FERMT2: variants seen among roughly 807,000 people sequenced by gnomAD.
The protein encoded by FERMT2 is fermitin family homolog 2.
A neutral mutation model predicts 82.7 loss-of-function variants in FERMT2; 15 were observed. The observed-to-expected ratio is 0.18, with a 90% CI of 0.12 to 0.28. The LOEUF (loss-of-function observed/expected upper bound fraction) is 0.28. Among genes scored for constraint, FERMT2 ranks in the 10% least tolerant of loss-of-function variants. The pLI, the probability that FERMT2 is intolerant of heterozygous loss-of-function variation, is 1.00. For synonymous variants in FERMT2, 274 were observed against 271.5 expected (o/e 1.01, Z -0.09); for missense variants, 645 against 809.4 (o/e 0.80, Z 2.46).
rs117282821 is a variant in FERMT2 at position 52,898,152 on chromosome 14, T to C, written c.392-4725A>G. ...CCTGAACGAATATGTGACCACAGAG[T>C]AGGTAAATATAACTGCTCTTTAATT... On this transcript the variant is annotated intron_variant, in intron 3 of 14. Coordinates refer to ENST00000341590, the MANE Select transcript of FERMT2 (RefSeq NM_006832.3). Among the ~76,000 whole-genome samples, 1,450 of 152,098 alleles carry C rather than the reference T, an allele frequency of 9.5e-3. 17 individuals carry two copies. The highest frequency in any genetic ancestry group is 0.014 in the Non-Finnish European group (938 of 67,968).
intron 2 of FERMT2, among the ~76,000 whole-genome samples, chr14:52,939,997 T>G (rs1890020506): frequency 6.6e-6 from 1 of 152,192 alleles, no homozygotes; most frequent in South Asian, 2.1e-4. Context: ...ATCAAAAACA[T>G]CATTACACTG....
intron 4 of FERMT2, among the ~76,000 whole-genome samples, chr14:52,890,397 T>C (rs1429380679): frequency 5.1e-5 from 7 of 136,532 alleles, no homozygotes; most frequent in Non-Finnish European, 9.2e-5. Flanking sequence ...TGAGCCGAGA[T>C]CGCAGCCACT....
intron 12 of FERMT2, chr14:52,862,140 C>T (rs982651556): frequency 1.3e-5 from 2 of 152,200 alleles, no homozygotes; most frequent in African/African-American, 4.8e-5. Flanking sequence ...TCTTGGCTCA[C>T]TGCAACCTCC....
At chr14:52,947,652 A>C (rs1056276527) in intron 2 of FERMT2, among the ~76,000 whole-genome samples, 1 of 152,232 alleles carries the variant, frequency 6.6e-6, no homozygotes, top group Non-Finnish European at 1.5e-5. Flanking sequence ...AGGAAACATT[A>C]TTTACACTTA....
At chr14:52,929,711 T>C (rs1889474047) in intron 2 of FERMT2, among the ~76,000 whole-genome samples, 1 of 152,192 alleles carries the variant, frequency 6.6e-6, no homozygotes, top group Admixed American at 6.5e-5. Context: ...CAGAGAAGCC[T>C]TTTTTAGCTA....
At chr14:52,927,592 T>TTAAAAAAAAAA (rs1889350559) in intron 2 of FERMT2, among the ~76,000 whole-genome samples, 1 of 33,714 alleles carries the variant, frequency 3.0e-5, no homozygotes, top group Non-Finnish European at 5.1e-5. Flanking sequence ...CTCATCCCTA[T>TTAAAAAAAAAA]AAAAAAAAAA....
intron 4 of FERMT2, among the ~76,000 whole-genome samples, chr14:52,885,403 A>G (rs1388591483): frequency 6.6e-6 from 1 of 151,466 alleles, no homozygotes; most frequent in Non-Finnish European, 1.5e-5. Context: ...TTATTTCCCA[A>G]TTCTAGCAGC....
At chr14:52,861,187 C>T in intron 12 of FERMT2, 1 of 601,500 alleles carries the variant, frequency 1.7e-6, no homozygotes, top group Non-Finnish European at 2.9e-6. Context: ...AGGTAGAAAC[C>T]AAGCAAAGTA....
chr14:52,913,119 CA>C (rs1488664714), intron 3 of FERMT2, among the ~76,000 whole-genome samples: 4 of 152,126 alleles, frequency 2.6e-5, no homozygotes, highest in Admixed American at 2.6e-4. Context: ...AGTGTAAGAA[CA>C]CAACTGGGGA....
intron 2 of FERMT2, among the ~76,000 whole-genome samples, chr14:52,946,937 T>C (rs75470930): frequency 6.6e-6 from 1 of 152,160 alleles, no homozygotes; most frequent in East Asian, 1.9e-4. Flanking sequence ...CCTCCCTGCC[T>C]GCTGGGATTA....
chr14:52,890,426 CAG>C (rs34402886), intron 4 of FERMT2, among the ~76,000 whole-genome samples: 108,517 of 140,620 alleles, frequency 0.77, 44,114 homozygotes, highest in Non-Finnish European at 0.89. Flanking sequence ...GCCTGGGCGA[CAG>C]AGTGACACTC....
chr14:52,877,433 G>A (rs993912097), intron 7 of FERMT2, among the ~76,000 whole-genome samples: 2 of 151,882 alleles, frequency 1.3e-5, no homozygotes, highest in Admixed American at 1.3e-4. Flanking sequence ...AACACAATAC[G>A]GGATCCTAAC....
At chr14:52,876,487 G>A (rs985856215) in intron 7 of FERMT2, among the ~76,000 whole-genome samples, 10 of 152,146 alleles carry the variant, frequency 6.6e-5, no homozygotes, top group African/African-American at 1.9e-4. Context: ...TTTACTCACT[G>A]CTCTGGGTAA....
At chr14:52,859,772 G>T in intron 13 of FERMT2, 58 bp from the exon 14 acceptor site, 1 of 1,065,452 alleles carries the variant, frequency 9.4e-7, no homozygotes, top group South Asian at 1.8e-5. Flanking sequence ...ATGTTGGACT[G>T]CTTTTCTTCA....
At chr14:52,891,562 C>T (rs1264356651) in intron 4 of FERMT2, among the ~76,000 whole-genome samples, 2 of 152,062 alleles carry the variant, frequency 1.3e-5, no homozygotes, top group African/African-American at 4.8e-5. Flanking sequence ...ATATCTACTG[C>T]AAAGAGCTGT....
intron 6 of FERMT2, 50 bp downstream of exon 6, chr14:52,880,986 C>G: frequency 8.3e-7 from 1 of 1,209,362 alleles, no homozygotes; most frequent in Non-Finnish European, 1.2e-6. Flanking sequence ...TCCATGTGAA[C>G]AAAACAAATT....
chr14:52,860,551 G>A (rs17694337), intron 12 of FERMT2, 86 bp from the exon 13 acceptor site: 12,356 of 1,191,386 alleles, frequency 0.01, 83 homozygotes, highest in South Asian at 0.022. Context: ...ATTGAATTAC[G>A]CACCCCGTAC....
Position 52,872,848 on chromosome 14 carries a change from C to T in FERMT2, c.1224G>A (p.Lys408=), listed in dbSNP as rs1885710752. The change falls in exon 10 of 15, where the codon AAG becomes AAA. Residue 408 remains lysine (K), a synonymous_variant. Transcript: ENST00000341590. The part of the protein sequence containing the change: ...TFKDTSISCY[K]SKEESSGTPA... ...GTGTGCCACTGGATTCTTCTTTGCT[C>T]TTATAACAAGAAATGGATGTGTCTT... 1.2e-6 allele frequency: 2 copies of T among 1,613,852 alleles called. No homozygotes were observed. Among genetic ancestry groups the T allele is most frequent in the Admixed American group, 3.3e-5 (2 of 59,990 alleles).
intron 12 of FERMT2, chr14:52,863,481 G>C (rs1314126630): frequency 1.3e-5 from 2 of 152,096 alleles, no homozygotes; most frequent in African/African-American, 4.8e-5. Flanking sequence ...CATGATGTTG[G>C]GGGCAGAGAA....
Sources: allele counts gnomAD v4.1 joint callset (sites outside exome capture counted in the v4.1 genomes callset), GRCh38; gene constraint gnomAD v4.1.1; transcripts MANE v1.5; gene names NCBI Gene and HGNC (gene_info 2026-07-23, HGNC 2026-07-21).